Variants in PFKM observed in about 807,000 individuals in gnomAD.
PFKM encodes the protein ATP-dependent 6-phosphofructokinase, muscle type.
In PFKM, 58 loss-of-function variants were observed where a neutral mutation model predicts 95.5. The observed-to-expected ratio is 0.61, with a 90% CI of 0.49 to 0.76. The LOEUF is 0.76. Ranked by LOEUF, PFKM falls within the 30% of genes least tolerant of loss-of-function variation. The pLI is 0.00. For synonymous variants in PFKM, 336 were observed against 357.2 expected, an observed-to-expected ratio of 0.94 and a Z score of 0.67; for missense variants, 678 against 1,005.4, an observed-to-expected ratio of 0.67 and a Z score of 4.40.
intron 4 of PFKM, 167 bp downstream of exon 4, chr12:48,131,560 C>T (rs1949486998): frequency 2.9e-6 from 2 of 678,072 alleles, no homozygotes; most frequent in African/African-American, 1.8e-5. Context: ...TTTGAAAATA[C>T]CACCCTGGTT....
chr12:48,144,146 C>T lies in PFKM; in HGVS notation c.1981C>T (p.His661Tyr). 6.2e-7 allele frequency: 1 copy of T among 1,607,058 alleles called. No individual in the cohort carries two copies. Among genetic ancestry groups the T allele is most frequent in the Non-Finnish European group, 8.5e-7 (1 of 1,173,948 alleles). ...IFDSRKNVLG[H>Y]MQQGGSPTPF... Reference sequence around the variant, plus strand: ...CGACAGCAGGAAGAATGTGCTTGGTCACATGCAGCAGGTAGGGAAGACACC... The same window carrying T: ...CGACAGCAGGAAGAATGTGCTTGGTTACATGCAGCAGGTAGGGAAGACACC... The change falls in exon 20 of 23, where the codon CAC becomes TAC. Residue 661 changes from histidine to tyrosine, a missense_variant. His to Tyr is a moderately conservative substitution (Grantham distance 83). Transcript: ENST00000359794.
In PFKM at chr12:48,140,754, G is replaced by C. The variant is rs762040245; in HGVS notation, c.1224G>C (p.Val408=). ...CGCACACAGTGGCTGTGATGAACGT[G>C]GGGGCTCCGGCTGCAGGCATGAATG... The part of the protein sequence containing the change: ...SGSHTVAVMN[V]GAPAAGMNAA... Residue 408 remains valine, a synonymous_variant, in exon 14 of 23, where the codon GTG becomes GTC. Coordinates refer to ENST00000359794, the MANE Select transcript of PFKM (RefSeq NM_000289.6). The C allele has an allele frequency of 8.1e-6, 13 of 1,614,188 alleles. No homozygotes were observed. In the East Asian group the frequency reaches 2.5e-4, roughly 30 times the overall value.
intron 10 of PFKM, chr12:48,137,480 T>C (rs573690156): frequency 1.8e-4 from 100 of 570,348 alleles, no homozygotes; most frequent in South Asian, 1.7e-3. Flanking sequence ...ATTACCATAG[T>C]GGGCATGTTT....
At chr12:48,134,598 C>G in intron 7 of PFKM, 123 bp from the exon 8 acceptor site, 2 of 805,042 alleles carry the variant, frequency 2.5e-6, no homozygotes, top group Non-Finnish European at 4.3e-6. Flanking sequence ...CCTTGCCCCA[C>G]GAATAAAATG....
intron 4 of PFKM, 158 bp from the exon 5 acceptor site, chr12:48,132,710 T>C: frequency 1.4e-6 from 1 of 695,048 alleles, no homozygotes; most frequent in South Asian, 1.6e-5. Context: ...GCCAGCATCA[T>C]TTCCCTTTCC....
Position 48,134,342 on chromosome 12 carries a change from G to A in PFKM, c.638+66G>A, listed in dbSNP as rs112949626. 8,070 of 1,346,830 alleles carry A rather than the reference G, an allele frequency of 6.0e-3. 36 individuals carry two copies. The highest frequency in any genetic ancestry group is 7.6e-3 in the Non-Finnish European group (7,075 of 936,328). The allele number at this position is 1,346,830 out of a possible 1,614,324, so 83.4% of individuals were successfully genotyped here. Reference sequence around the variant, plus strand: ...CGATAGCCCTTTCCTTTTCCCCAGAGAGTCCAGTGAGGTCTCTCAGTAGCA... The same window carrying A: ...CGATAGCCCTTTCCTTTTCCCCAGAAAGTCCAGTGAGGTCTCTCAGTAGCA... On this transcript the variant is annotated intron_variant, in intron 7 of 22. Transcript: ENST00000359794.
chr12:48,139,802 G>C, intron 12 of PFKM, 47 bp from the exon 13 acceptor site: 1 of 1,267,204 alleles, frequency 7.9e-7, no homozygotes, highest in Non-Finnish European at 1.2e-6. Context: ...GCTGCTGGCT[G>C]TGGGGAATGG....
At chr12:48,139,140 T>C (rs201552221) in intron 11 of PFKM, 145 bp from the exon 12 acceptor site, 7 of 707,418 alleles carry the variant, frequency 9.9e-6, no homozygotes, top group South Asian at 4.6e-5. Context: ...CCATGAAAGT[T>C]TGGGGGCATA....
At chr12:48,118,750 C>T (rs189202085), upstream of PFKM, among the ~76,000 whole-genome samples, 7 of 152,350 alleles carry the variant, frequency 4.6e-5, no homozygotes, top group Non-Finnish European at 2.9e-5. Context: ...ACGCCCTTCC[C>T]TCTTGACACT....
intron 2 of PFKM, among the ~76,000 whole-genome samples, chr12:48,107,867 A>T (rs1946835456): frequency 6.6e-6 from 1 of 152,198 alleles, no homozygotes; most frequent in Non-Finnish European, 1.5e-5. Flanking sequence ...CCCACCTCAA[A>T]GTATCTAGTT....
chr12:48,130,472 C>T, intron 3 of PFKM, 36 bp downstream of exon 3: 3 of 1,466,292 alleles, frequency 2.0e-6, no homozygotes, highest in Non-Finnish European at 2.9e-6. Context: ...CATTCTTTCT[C>T]TGTCTTCTTC....
chr12:48,137,784 TG>T lies in PFKM; in HGVS notation c.1001del (p.Cys334LeufsTer2). Reference sequence around the variant, plus strand: ...GGAGGGGACCCCAGATACCCCAGCCTGTGTAGTGAGCCTCTCTGGTAACCAG... The same window carrying T: ...GGAGGGGACCCCAGATACCCCAGCCTTGTAGTGAGCCTCTCTGGTAACCAG... ...LLEGTPDTPA[C>X]VVSLSGNQAV... On this transcript the variant is annotated frameshift_variant, in exon 11 of 23. Transcript: ENST00000359794. LOFTEE classifies it high-confidence loss of function. The T allele has an allele frequency of 6.2e-7, 1 of 1,614,082 alleles. No individual in the cohort carries two copies. Among genetic ancestry groups the T allele is most frequent in the African/African-American group, 1.3e-5 (1 of 75,050 alleles).
intron 1 of PFKM, among the ~76,000 whole-genome samples, chr12:48,120,450 T>C (rs1001795689): frequency 8.5e-5 from 13 of 152,170 alleles, no homozygotes; most frequent in South Asian, 4.1e-4. Flanking sequence ...TTTTTAAAAA[T>C]GATCATGATC....
At chr12:48,111,536 A>T (rs867080728) in intron 3 of PFKM, among the ~76,000 whole-genome samples, 5 of 152,204 alleles carry the variant, frequency 3.3e-5, no homozygotes, top group African/African-American at 1.2e-4. Context: ...TCAAGTTAAG[A>T]CAATGAGTTC....
In PFKM at chr12:48,145,307, A is replaced by C. The variant is rs926218950; in HGVS notation, c.2190A>C (p.Thr730=). 6.2e-7 allele frequency: 1 copy of C among 1,612,784 alleles called. No homozygotes were observed. The highest frequency in any genetic ancestry group is 1.3e-5 in the African/African-American group (1 of 74,894). The change falls in exon 22 of 23, where the codon ACA becomes ACC. Residue 730 remains threonine (T), a synonymous_variant. Coordinates refer to ENST00000359794, the MANE Select transcript of PFKM (RefSeq NM_000289.6). This position sits in a 1 kb window ranked among gnomAD's most constrained non-coding sequence, Gnocchi z 4.3. ...CAGTGGCTGAGCTGAAGGACCAGAC[A>C]GATTTTGAGTGAGTACATCTGCTTC... ...FQPVAELKDQ[T]DFEHRIPKEQ...
chr12:48,144,301 C>T (rs1950837247), intron 20 of PFKM, 144 bp downstream of exon 20: 2 of 704,704 alleles, frequency 2.8e-6, no homozygotes, highest in Admixed American at 2.0e-5. Context: ...CATGGGCCTG[C>T]AGTCTCTTAC....
chr12:48,121,416 A>G (rs1278880097), intron 1 of PFKM, among the ~76,000 whole-genome samples: 1 of 152,230 alleles, frequency 6.6e-6, no homozygotes. Context: ...TACTGATTAT[A>G]TGTAGTACGT....
intron 15 of PFKM, 178 bp from the exon 16 acceptor site, chr12:48,141,562 C>A (rs1160441204): frequency 5.3e-6 from 4 of 750,116 alleles, no homozygotes; most frequent in Non-Finnish European, 9.5e-6. Context: ...GCTCTGGCAA[C>A]TTAGAGCTCC....
upstream of PFKM, among the ~76,000 whole-genome samples, chr12:48,114,778 T>C (rs1378852285): frequency 6.6e-6 from 1 of 152,166 alleles, no homozygotes; most frequent in African/African-American, 2.4e-5. Context: ...TCAACAAAAA[T>C]TATCTAGGTC....
Sources: allele counts gnomAD v4.1 joint callset (sites outside exome capture counted in the v4.1 genomes callset), GRCh38; gene constraint gnomAD v4.1.1; non-coding constraint Gnocchi (gnomAD v3.1); transcripts MANE v1.5; gene names NCBI Gene and HGNC (gene_info 2026-07-23, HGNC 2026-07-21).